Variants in KCNK2 observed in about 807,000 individuals in gnomAD.
KCNK2 encodes potassium channel subfamily K member 2.
Under a neutral mutation model 40.5 loss-of-function variants are expected in KCNK2, and 21 were observed. The observed-to-expected ratio is 0.52, with a 90% CI of 0.37 to 0.75. The LOEUF is 0.75. KCNK2 is among the 30% of genes least tolerant of loss of function. KCNK2 has a pLI of 0.00. For missense variants in KCNK2, 399 were observed against 531.6 expected (o/e 0.75, Z 2.45); for synonymous variants, 191 against 202.2 (o/e 0.94, Z 0.47).
chr1:215,149,472 A>T (rs2102610802), intron 3 of KCNK2, among the ~76,000 whole-genome samples: 1 of 152,304 alleles, frequency 6.6e-6, no homozygotes, highest in Admixed American at 6.5e-5. Context: ...TTCTATGAAA[A>T]GATACTTTAT....
At chr1:215,179,093 T>C (rs1664114528) in intron 5 of KCNK2, among the ~76,000 whole-genome samples, 1 of 152,060 alleles carries the variant, frequency 6.6e-6, no homozygotes, top group African/African-American at 2.4e-5. Context: ...AGATTGTGTG[T>C]TTATGGGAAT....
In KCNK2 at chr1:215,055,364, G is replaced by A. The variant is rs374702182; in HGVS notation, c.35-31004G>A. Among the ~76,000 whole-genome samples, 150 of 152,274 alleles carry A rather than the reference G, an allele frequency of 9.9e-4. 5 individuals carry two copies. The South Asian group carries it at 0.031, about 31-fold the overall frequency. On this transcript the variant is annotated intron_variant, in intron 1 of 6. Transcript: ENST00000391895. Reference sequence around the variant, plus strand: ...TCAGTTATTCATGAATACAAAGTAAGCTATGAAAAAGAACTAAAAAAGGAA... The same window carrying A: ...TCAGTTATTCATGAATACAAAGTAAACTATGAAAAAGAACTAAAAAAGGAA...
intron 3 of KCNK2, among the ~76,000 whole-genome samples, chr1:215,161,873 G>A (rs1489221159): frequency 1.7e-4 from 26 of 152,154 alleles, no homozygotes; most frequent in Non-Finnish European, 2.6e-4. Flanking sequence ...TGTGAATAGT[G>A]CTGCAATAAA....
chr1:215,065,824 A>G (rs1212720275), intron 1 of KCNK2, among the ~76,000 whole-genome samples: 1 of 152,160 alleles, frequency 6.6e-6, no homozygotes, highest in Admixed American at 6.6e-5. Flanking sequence ...GAAAGGAAGG[A>G]TGTCTCTTCT....
intron 1 of KCNK2, among the ~76,000 whole-genome samples, chr1:215,058,412 T>C (rs1658243592): frequency 6.6e-6 from 1 of 152,212 alleles, no homozygotes; most frequent in Non-Finnish European, 1.5e-5. Context: ...TCTATATATC[T>C]TTTCAGAGAA....
At chr1:215,078,708 G>A (rs1172441556), upstream of KCNK2, among the ~76,000 whole-genome samples, 2 of 152,168 alleles carry the variant, frequency 1.3e-5, no homozygotes, top group African/African-American at 2.4e-5. Context: ...ATCAGGAATG[G>A]ACATACTGAA....
chr1:215,178,471 G>A (rs958504744), intron 5 of KCNK2, among the ~76,000 whole-genome samples: 5 of 152,102 alleles, frequency 3.3e-5, no homozygotes, highest in African/African-American at 1.2e-4. Flanking sequence ...TTTTGCCCAT[G>A]CAGTATGCTG....
At chr1:215,206,691 C>G (rs1558138481) in intron 6 of KCNK2, among the ~76,000 whole-genome samples, 1 of 152,154 alleles carries the variant, frequency 6.6e-6, no homozygotes, top group African/African-American at 2.4e-5. Context: ...GACTGTCACT[C>G]CAGGTTTCCC....
intron 3 of KCNK2, among the ~76,000 whole-genome samples, chr1:215,136,831 T>A (rs1354783725): frequency 6.6e-6 from 1 of 152,244 alleles, no homozygotes; most frequent in Non-Finnish European, 1.5e-5. Flanking sequence ...ACAGCCTTGA[T>A]GACTTCCATA....
intron 6 of KCNK2, among the ~76,000 whole-genome samples, chr1:215,202,279 A>G (rs1490032071): frequency 1.3e-5 from 2 of 152,168 alleles, no homozygotes; most frequent in Non-Finnish European, 2.9e-5. Context: ...TGTGATGGGG[A>G]AAAGGTCAGA....
intron 1 of KCNK2, among the ~76,000 whole-genome samples, chr1:215,009,408 T>C (rs1656297636): frequency 6.6e-6 from 1 of 152,148 alleles, no homozygotes. Flanking sequence ...AATAATATCT[T>C]GCATAGATAT....
intron 3 of KCNK2, among the ~76,000 whole-genome samples, chr1:215,136,374 A>G (rs1407345229): frequency 6.6e-6 from 1 of 152,224 alleles, no homozygotes; most frequent in Non-Finnish European, 1.5e-5. Context: ...CTAGGATTAC[A>G]GGTGTGAGCC....
intron 5 of KCNK2, among the ~76,000 whole-genome samples, chr1:215,178,002 T>G (rs1308443376): frequency 6.6e-6 from 1 of 152,006 alleles, no homozygotes; most frequent in East Asian, 1.9e-4. Flanking sequence ...ATTCTTTCAA[T>G]CCATGAATAT....
At chr1:215,184,519 G>A (rs894300727) in intron 5 of KCNK2, among the ~76,000 whole-genome samples, 5 of 152,180 alleles carry the variant, frequency 3.3e-5, no homozygotes, top group African/African-American at 1.2e-4. Context: ...ATAAAGGAAA[G>A]AGGTTTAATA....
At chr1:215,043,703 C>G (rs1282212915) in intron 1 of KCNK2, among the ~76,000 whole-genome samples, 1 of 152,140 alleles carries the variant, frequency 6.6e-6, no homozygotes, top group Non-Finnish European at 1.5e-5. Context: ...TGAAAAAATT[C>G]TGTAGATGTA....
In KCNK2 at chr1:215,083,329, T is replaced by TA. The variant is rs769156553; in HGVS notation, c.-49dup. On this transcript the variant is annotated 5_prime_UTR_variant, in exon 1 of 7. Transcript: ENST00000444842. ...AGAAGTGAGTACAATGGCGTGTTTG[T>TA]AAAAAAAAGCTTCAAGTCCGTCTTT... 3.2e-5 allele frequency: 51 copies of TA among 1,612,642 alleles called. No homozygotes were observed. Among genetic ancestry groups the TA allele is most frequent in the East Asian group, 2.0e-4 (9 of 44,808 alleles).
chr1:215,154,991 T>C (rs1425976456), intron 3 of KCNK2, among the ~76,000 whole-genome samples: 1 of 152,154 alleles, frequency 6.6e-6, no homozygotes, highest in Non-Finnish European at 1.5e-5. Context: ...ATTTATCCTT[T>C]GTTTTCTTTA....
chr1:215,232,695 T>C (rs1214586290), intron 6 of KCNK2, among the ~76,000 whole-genome samples: 5 of 152,154 alleles, frequency 3.3e-5, no homozygotes, highest in African/African-American at 9.7e-5. Flanking sequence ...ATTAAAAACA[T>C]ATTTTTTAAG....
At chr1:215,188,260 C>T (rs1556906) in intron 5 of KCNK2, among the ~76,000 whole-genome samples, 141,110 of 152,200 alleles carry the variant, frequency 0.93, 65,700 homozygotes, top group East Asian at 1. Flanking sequence ...TATAGAGGTA[C>T]AATACAATTT....
Sources: gnomAD v4.1 joint callset for allele counts (sites outside exome capture counted in the v4.1 genomes callset) on GRCh38, gnomAD v4.1.1 for gene constraint, MANE v1.5 for transcripts, NCBI Gene and HGNC (gene_info 2026-07-23, HGNC 2026-07-21) for gene names.